Variants in PTBP2 observed in about 807,000 individuals in gnomAD.
The protein encoded by PTBP2 is polypyrimidine tract-binding protein 2.
A neutral mutation model predicts 61.4 loss-of-function variants in PTBP2; 13 were observed. The observed-to-expected ratio is 0.21, with a 90% confidence interval of 0.14 to 0.34. The LOEUF (loss-of-function observed/expected upper bound fraction) is 0.34, where lower values mean the gene tolerates loss of function less well. Among genes scored for constraint, PTBP2 ranks in the 10% least tolerant of loss-of-function variants. PTBP2 has a pLI of 1.00. For missense variants in PTBP2, 405 were observed against 642.6 expected (o/e 0.63, Z 4.00); for synonymous variants, 215 against 218.5 (o/e 0.98, Z 0.14).
At chr1:96,817,716 T>C (rs1662537882), downstream of PTBP2, 1 of 152,110 alleles carries the variant, frequency 6.6e-6, no homozygotes, top group Admixed American at 6.6e-5. Context: ...GTTCAAACCT[T>C]ATTCTTTCCC....
chr1:96,746,850 TCCCCC>T (rs1653859945), intron 2 of PTBP2, among the ~76,000 whole-genome samples: 2 of 18,100 alleles, frequency 1.1e-4, no homozygotes, highest in Non-Finnish European at 2.1e-4. Context: ...CCTCCCTCCC[TCCCCC>T]TCCCTCCGTC....
In PTBP2 at chr1:96,787,089, C is replaced by T. The variant is rs145138127; in HGVS notation, c.904+1835C>T. Among the ~76,000 whole-genome samples, 149 of 152,232 alleles carry T rather than the reference C, an allele frequency of 9.8e-4. 1 individual carries two copies. In the East Asian group the frequency reaches 0.026, roughly 27 times the overall value. ...GTGTCAGAGTGTGGTGGCGCAGTCT[C>T]GGCTCACTGCAACTTCCGCCTCCCG... On this transcript the variant is annotated intron_variant, in intron 8 of 13. Coordinates refer to ENST00000674951, the MANE Select transcript of PTBP2 (RefSeq NM_021190.4).
chr1:96,751,421 A>G lies in PTBP2; in HGVS notation c.40-4A>G, dbSNP rs765983379. 4 of 1,609,558 alleles carry G rather than the reference A, an allele frequency of 2.5e-6. No homozygotes were observed. The highest frequency in any genetic ancestry group is 2.5e-6 in the Non-Finnish European group (3 of 1,176,744). ...CTTATGCTAATTTGTTTTTGTTTTC[A>G]TAGAGAGGATCTGACGAACTACTCT... On this transcript the variant is annotated splice_region_variant and splice_polypyrimidine_tract_variant and intron_variant, in intron 2 of 13. Transcript: ENST00000674951.
chr1:96,804,641 A>C, intron 8 of PTBP2, 159 bp from the exon 9 acceptor site: 1 of 633,004 alleles, frequency 1.6e-6, no homozygotes. Context: ...CACATCAGCA[A>C]ACAATTTTTC....
intron 2 of PTBP2, among the ~76,000 whole-genome samples, chr1:96,746,842 TCCCTCCCTCC>T (rs1263424719): frequency 1.4e-4 from 10 of 70,546 alleles, no homozygotes; most frequent in African/African-American, 5.3e-4. Flanking sequence ...TCTGTCTCCC[TCCCTCCCTCC>T]CCCTCCCTCC....
intron 8 of PTBP2, among the ~76,000 whole-genome samples, chr1:96,795,416 TAGGAAATTC>T (rs1227434228): frequency 6.6e-6 from 1 of 152,166 alleles, no homozygotes; most frequent in Non-Finnish European, 1.5e-5. Flanking sequence ...CACTGGACAG[TAGGAAATTC>T]AGCCTAAGAC....
Position 96,777,957 on chromosome 1 carries a change from C to T in PTBP2, c.708+11C>T. 6.9e-7 allele frequency: 1 copy of T among 1,455,496 alleles called. No homozygotes were observed. Among genetic ancestry groups the T allele is most frequent in the South Asian group, 1.4e-5 (1 of 73,804 alleles). The allele number at this position is 1,455,496 out of a possible 1,614,324, so 90.2% of individuals were successfully genotyped here. A position where few individuals can be genotyped will look rare whatever the true frequency, so the allele number is the denominator to read the frequency against. ...CAACAAGCAAAACTAGTAAGTCTTT[C>T]TTTTGAGATGGTGATTTTTTTTTAT... is the stretch of plus-strand genomic sequence containing the variant. On this transcript the variant is annotated intron_variant, in intron 7 of 13. Coordinates refer to ENST00000674951, the MANE Select transcript of PTBP2 (RefSeq NM_021190.4).
chr1:96,807,961 A>G (rs1370360707), intron 11 of PTBP2, among the ~76,000 whole-genome samples: 1 of 152,170 alleles, frequency 6.6e-6, no homozygotes, highest in Non-Finnish European at 1.5e-5. Context: ...CTCTGGTTGG[A>G]ATAGTCATTG....
intron 8 of PTBP2, among the ~76,000 whole-genome samples, chr1:96,793,960 TA>T (rs1351875349): frequency 6.6e-6 from 1 of 152,212 alleles, no homozygotes; most frequent in East Asian, 1.9e-4. Context: ...CTTATTACTA[TA>T]GGACTATAAA....
chr1:96,790,682 C>G (rs1659695525), intron 8 of PTBP2, among the ~76,000 whole-genome samples: 1 of 152,118 alleles, frequency 6.6e-6, no homozygotes, highest in African/African-American at 2.4e-5. Flanking sequence ...CAGGTAAGTA[C>G]TTAAACCAGC....
intron 4 of PTBP2, 111 bp downstream of exon 4, chr1:96,769,986 CTTA>C (rs908234284): frequency 2.4e-6 from 2 of 827,050 alleles, no homozygotes; most frequent in African/African-American, 1.8e-5. Context: ...GAACAGAAGT[CTTA>C]TTCTCACTTT....
chr1:96,723,570 C>T lies in PTBP2; in HGVS notation c.15C>T (p.Val5=), dbSNP rs373728182. MDGI[V]TEVAVGVKRG... is the part of the protein sequence containing the mutation. Reference sequence around the variant, plus strand: ...ACTTATTTTTTCTTTGCAGAATCGTCACTGAGGTTGCAGTTGGCGTGAAGG... The same window carrying T: ...ACTTATTTTTTCTTTGCAGAATCGTTACTGAGGTTGCAGTTGGCGTGAAGG... The change falls in exon 2 of 14, where the codon GTC becomes GTT. Residue 5 remains valine, a synonymous_variant. Coordinates refer to ENST00000674951, the MANE Select transcript of PTBP2 (RefSeq NM_021190.4). The T allele has an allele frequency of 1.3e-6, 2 of 1,566,220 alleles. No homozygotes were observed. The highest frequency in any genetic ancestry group is 1.7e-6 in the Non-Finnish European group (2 of 1,146,982).
exon 14 of PTBP2, chr1:96,821,105 CT>C (rs1662670691): frequency 6.6e-6 from 1 of 152,064 alleles, no homozygotes; most frequent in South Asian, 2.1e-4. Context: ...TAGTACATGT[CT>C]TTTCTGTCTT....
chr1:96,792,785 C>G (rs906095570), intron 8 of PTBP2, among the ~76,000 whole-genome samples: 1 of 151,948 alleles, frequency 6.6e-6, no homozygotes, highest in Admixed American at 6.6e-5. Context: ...ACAAACAACA[C>G]GTTAAAATTT....
rs182572921 is a variant in PTBP2, at chr1:96,786,742, A to T, written c.904+1488A>T. ...GTTTCTAAGAAGTTGAAAAATTCACATGCAACTCATCAAAGAAACAATTTA... is the reference window on the plus strand; with the variant it reads ...GTTTCTAAGAAGTTGAAAAATTCACTTGCAACTCATCAAAGAAACAATTTA... On this transcript the variant is annotated intron_variant, in intron 8 of 13. Transcript: ENST00000674951. 2.0e-5 allele frequency among the ~76,000 whole-genome samples: 3 copies of T among 152,174 alleles called. No homozygotes were observed. The East Asian group carries it at 5.8e-4, about 29-fold the overall frequency.
At chr1:96,758,589 A>T (rs1655427145) in intron 3 of PTBP2, among the ~76,000 whole-genome samples, 1 of 152,120 alleles carries the variant, frequency 6.6e-6, no homozygotes, top group South Asian at 2.1e-4. Context: ...TTTGAAAATG[A>T]ACTCAGTGTA....
intron 5 of PTBP2, among the ~76,000 whole-genome samples, chr1:96,775,715 A>C (rs938866882): frequency 5.9e-5 from 9 of 152,208 alleles, no homozygotes; most frequent in Non-Finnish European, 1.0e-4. Flanking sequence ...TATTTTGATA[A>C]GAAGTTTTAT....
chr1:96,774,193 G>T (rs1657746574), intron 5 of PTBP2, among the ~76,000 whole-genome samples: 2 of 151,814 alleles, frequency 1.3e-5, no homozygotes. Flanking sequence ...TTAATGGTGA[G>T]GGTACAAGTT....
chr1:96,815,305 C>A (rs1165001141), downstream of PTBP2: 1 of 151,420 alleles, frequency 6.6e-6, no homozygotes, highest in Non-Finnish European at 1.5e-5. Context: ...AGATTTCTTA[C>A]TAATCTTAGA....
Sources: allele counts gnomAD v4.1 joint callset (sites outside exome capture counted in the v4.1 genomes callset), GRCh38; gene constraint gnomAD v4.1.1; transcripts MANE v1.5; gene names NCBI Gene and HGNC (gene_info 2026-07-23, HGNC 2026-07-21).